Variants in GOLPH3L observed in about 807,000 individuals in gnomAD.
GOLPH3L encodes golgi phosphoprotein 3 like.
Under a neutral mutation model 30.3 loss-of-function variants are expected in GOLPH3L, and 22 were observed. The ratio of observed to expected loss-of-function variants is 0.73; its 90% CI spans 0.52 to 1.04. The LOEUF (loss-of-function observed/expected upper bound fraction) is 1.04. Ranked by LOEUF, GOLPH3L falls within the 50% of genes least tolerant of loss-of-function variation. GOLPH3L has a pLI of 0.00. For synonymous variants in GOLPH3L, 120 were observed against 128.2 expected, an observed-to-expected ratio of 0.94 and a Z score of 0.43; for missense variants, 303 against 345.8, an observed-to-expected ratio of 0.88 and a Z score of 0.98.
chr1:150,677,120 G>A (rs1442853351), intron 2 of GOLPH3L, among the ~76,000 whole-genome samples: 1 of 150,984 alleles, frequency 6.6e-6, no homozygotes, highest in Non-Finnish European at 1.5e-5. Flanking sequence ...ACCCAAGCTG[G>A]AGTGCAGTGG....
chr1:150,676,774 G>C (rs1266647710), intron 2 of GOLPH3L, among the ~76,000 whole-genome samples: 1 of 151,348 alleles, frequency 6.6e-6, no homozygotes, highest in Non-Finnish European at 1.5e-5. Context: ...CTCCCGAGTG[G>C]TTGGGATTAC....
chr1:150,677,732 C>T (rs587688448), intron 2 of GOLPH3L, among the ~76,000 whole-genome samples: 1 of 151,566 alleles, frequency 6.6e-6, no homozygotes, highest in South Asian at 2.1e-4. Context: ...CTCAAGCAAT[C>T]CTACCACCTC....
intron 4 of GOLPH3L, among the ~76,000 whole-genome samples, chr1:150,649,010 CTG>C (rs1315585753): frequency 6.6e-6 from 1 of 152,162 alleles, no homozygotes; most frequent in African/African-American, 2.4e-5. Context: ...CTCTGTGACA[CTG>C]TAATTATTTA....
intron 3 of GOLPH3L, among the ~76,000 whole-genome samples, chr1:150,663,039 ATT>A (rs11432766): frequency 6.8e-6 from 1 of 147,742 alleles, no homozygotes; most frequent in Non-Finnish European, 1.5e-5. Context: ...CTATTTCGTA[ATT>A]TTTTTTTTTT....
At chr1:150,693,373 T>C (rs1651254056) in intron 2 of GOLPH3L, among the ~76,000 whole-genome samples, 1 of 152,244 alleles carries the variant, frequency 6.6e-6, no homozygotes, top group Non-Finnish European at 1.5e-5. Context: ...AGGATAATTA[T>C]CAAAGCCAAA....
chr1:150,650,985 T>C (rs919546793), intron 4 of GOLPH3L, among the ~76,000 whole-genome samples: 26 of 152,176 alleles, frequency 1.7e-4, no homozygotes, highest in Admixed American at 3.9e-4. Context: ...CCATGACTTA[T>C]CATATAGAGA....
intron 4 of GOLPH3L, among the ~76,000 whole-genome samples, chr1:150,654,180 G>C (rs1650188813): frequency 6.6e-6 from 1 of 152,034 alleles, no homozygotes; most frequent in South Asian, 2.1e-4. Context: ...AGGAAATTCT[G>C]GAGCTAAAAC....
intron 2 of GOLPH3L, among the ~76,000 whole-genome samples, chr1:150,670,941 T>C (rs1650630190): frequency 6.6e-6 from 1 of 152,150 alleles, no homozygotes; most frequent in Non-Finnish European, 1.5e-5. Context: ...AGTATTTTGT[T>C]ATTATTAAAA....
intron 2 of GOLPH3L, among the ~76,000 whole-genome samples, chr1:150,667,121 GACCAACC>G (rs1319853921): frequency 3.9e-5 from 6 of 152,074 alleles, no homozygotes; most frequent in Non-Finnish European, 8.8e-5. Flanking sequence ...GTTTATTCCT[GACCAACC>G]AACTCCTGAA....
intron 2 of GOLPH3L, among the ~76,000 whole-genome samples, chr1:150,672,581 C>A (rs1277545924): frequency 6.6e-6 from 1 of 152,168 alleles, no homozygotes; most frequent in Admixed American, 6.6e-5. Flanking sequence ...CAGGGGCCTG[C>A]CACCACATTC....
intron 4 of GOLPH3L, among the ~76,000 whole-genome samples, chr1:150,653,622 A>G (rs1650177072): frequency 6.6e-6 from 1 of 151,720 alleles, no homozygotes; most frequent in Non-Finnish European, 1.5e-5. Flanking sequence ...CACCATGTTC[A>G]GCTAATTTTA....
chr1:150,692,607 G>A (rs1421544255), intron 2 of GOLPH3L, among the ~76,000 whole-genome samples: 1 of 152,100 alleles, frequency 6.6e-6, no homozygotes, highest in East Asian at 1.9e-4. Context: ...TGCCCAGGCT[G>A]GTCTTGAACT....
At chr1:150,666,723 TAGA>T (rs1382470171) in intron 2 of GOLPH3L, among the ~76,000 whole-genome samples, 2 of 152,198 alleles carry the variant, frequency 1.3e-5, no homozygotes, top group East Asian at 1.9e-4. Context: ...TTTTCATTAG[TAGA>T]AGTTTTATTT....
chr1:150,682,443 C>T (rs1052342658), intron 2 of GOLPH3L, among the ~76,000 whole-genome samples: 4 of 151,724 alleles, frequency 2.6e-5, no homozygotes, highest in African/African-American at 9.7e-5. Flanking sequence ...GCCTGGGCAA[C>T]ATGGCAAAAT....
At chr1:150,689,252 C>T (rs1181654902) in intron 2 of GOLPH3L, among the ~76,000 whole-genome samples, 1 of 151,988 alleles carries the variant, frequency 6.6e-6, no homozygotes, top group Non-Finnish European at 1.5e-5. Context: ...AAACATTATC[C>T]ACAAATTAAA....
At position 150,689,637 on chromosome 1, in the gene GOLPH3L, TATTTA is replaced by T. The variant is rs142509460; in HGVS notation, c.183+5014_183+5018del. The stretch of plus-strand genomic sequence containing the variant: ...GTTTTCATAAGACAATGATACTTAA[TATTTA>T]ATTTAATTAGTTTATATTTTTTGAG... On this transcript the variant is annotated intron_variant, in intron 2 of 4. Coordinates refer to ENST00000271732, the MANE Select transcript of GOLPH3L (RefSeq NM_018178.6). Among the ~76,000 whole-genome samples, 542 of 152,302 alleles carry T rather than the reference TATTTA, an allele frequency of 3.6e-3. 7 individuals are homozygous for T. Among genetic ancestry groups the T allele is most frequent in the African/African-American group, 0.012 (509 of 41,576 alleles).
At chr1:150,651,920 A>T (rs1026670791) in intron 4 of GOLPH3L, among the ~76,000 whole-genome samples, 1 of 152,172 alleles carries the variant, frequency 6.6e-6, no homozygotes, top group Admixed American at 6.5e-5. Context: ...AATGGCTAAA[A>T]TCTTGCCAAA....
intron 2 of GOLPH3L, among the ~76,000 whole-genome samples, chr1:150,688,963 C>A (rs1651151010): frequency 6.6e-6 from 1 of 152,136 alleles, no homozygotes; most frequent in Non-Finnish European, 1.5e-5. Flanking sequence ...CATCTCCAAC[C>A]ATCCCTATGC....
chr1:150,688,712 C>T (rs1052268004), intron 2 of GOLPH3L, among the ~76,000 whole-genome samples: 2 of 152,190 alleles, frequency 1.3e-5, no homozygotes, highest in Admixed American at 6.5e-5. Context: ...GATCACGCCA[C>T]TGCTTTGCAG....
Sources: allele counts gnomAD v4.1 joint callset (sites outside exome capture counted in the v4.1 genomes callset), GRCh38; gene constraint gnomAD v4.1.1; transcripts MANE v1.5; gene names NCBI Gene and HGNC (gene_info 2026-07-23, HGNC 2026-07-21).